The following NBEA variants were observed in gnomAD, a reference collection of about 807,000 sequenced individuals.
The protein encoded by NBEA is lysosomal-trafficking regulator 2.
A neutral mutation model predicts 343.4 loss-of-function variants in NBEA; 44 were observed. The observed-to-expected ratio is 0.13, with a 90% confidence interval of 0.10 to 0.16. The LOEUF (loss-of-function observed/expected upper bound fraction) is 0.16. Among genes scored for constraint, NBEA ranks in the 10% least tolerant of loss-of-function variants. The probability of loss-of-function intolerance (pLI) is 1.00; values close to 1 mark genes in which losing one functional copy is unlikely to be tolerated. For missense variants in NBEA, 2,555 were observed against 3,631.3 expected (o/e 0.70, Z 7.62); for synonymous variants, 1,175 against 1,238.7 (o/e 0.95, Z 1.08).
At chr13:35,667,938 T>C (rs1290790678) in intron 57 of NBEA, among the ~76,000 whole-genome samples, 1 of 152,200 alleles carries the variant, frequency 6.6e-6, no homozygotes, top group Non-Finnish European at 1.5e-5. Flanking sequence ...CATATACCCA[T>C]TTGCCCTTCA....
intron 41 of NBEA, among the ~76,000 whole-genome samples, chr13:35,497,210 T>C (rs1213137735): frequency 6.6e-6 from 1 of 152,084 alleles, no homozygotes; most frequent in Non-Finnish European, 1.5e-5. Flanking sequence ...AGGAACCTTC[T>C]GTAGGAGAAA....
At chr13:35,490,723 A>C (rs562469225) in intron 41 of NBEA, among the ~76,000 whole-genome samples, 62 of 142,820 alleles carry the variant, frequency 4.3e-4, no homozygotes, top group Middle Eastern at 3.5e-3. Context: ...TTATTCTGCT[A>C]GGTGCTTTAT....
chr13:35,425,775 G>A (rs2044624350), intron 38 of NBEA, among the ~76,000 whole-genome samples: 1 of 152,100 alleles, frequency 6.6e-6, no homozygotes, highest in African/African-American at 2.4e-5. Flanking sequence ...TTATTGTGTG[G>A]GAGTCTGAGT....
chr13:35,155,049 G>C (rs1441780597), intron 18 of NBEA, among the ~76,000 whole-genome samples: 1 of 146,628 alleles, frequency 6.8e-6, no homozygotes, highest in African/African-American at 2.5e-5. Context: ...AGGATCACTT[G>C]AGTCCAGGAG....
chr13:35,046,185 A>G (rs1339756674), intron 4 of NBEA, among the ~76,000 whole-genome samples: 1 of 152,154 alleles, frequency 6.6e-6, no homozygotes, highest in Non-Finnish European at 1.5e-5. Flanking sequence ...TCCATTCACT[A>G]GTTGATGGAC....
At chr13:35,483,601 T>A (rs1020230784) in intron 41 of NBEA, among the ~76,000 whole-genome samples, 1 of 152,086 alleles carries the variant, frequency 6.6e-6, no homozygotes, top group South Asian at 2.1e-4. Context: ...TTGATAATGA[T>A]GCTCTTTCAA....
At chr13:35,424,009 A>G (rs1202445696) in intron 38 of NBEA, among the ~76,000 whole-genome samples, 1 of 152,176 alleles carries the variant, frequency 6.6e-6, no homozygotes, top group Non-Finnish European at 1.5e-5. Context: ...TTGTATCCTG[A>G]GACTTTGCTG....
At chr13:34,983,336 C>T in intron 1 of NBEA, among the ~76,000 whole-genome samples, 1 of 152,134 alleles carries the variant, frequency 6.6e-6, no homozygotes, top group East Asian at 1.9e-4. Flanking sequence ...ATCCATGTCC[C>T]TGCAAAGGAC....
intron 38 of NBEA, among the ~76,000 whole-genome samples, chr13:35,360,371 C>A (rs970036601): frequency 1.3e-5 from 2 of 151,892 alleles, no homozygotes; most frequent in South Asian, 2.1e-4. Context: ...AAAAGGTTCA[C>A]CTGACTTCCA....
chr13:35,422,092 GTTT>G (rs566959976), intron 38 of NBEA, among the ~76,000 whole-genome samples: 1 of 93,142 alleles, frequency 1.1e-5, no homozygotes, highest in Non-Finnish European at 2.0e-5. Flanking sequence ...TTGTTTGTTT[GTTT>G]TTTTTTTTTT....
intron 38 of NBEA, among the ~76,000 whole-genome samples, chr13:35,386,372 C>T (rs1465619190): frequency 6.6e-6 from 1 of 152,052 alleles, no homozygotes; most frequent in East Asian, 1.9e-4. Context: ...GTTCTCTGTC[C>T]CCAAAATATT....
chr13:35,403,718 CCAAAAGCAATGGCAA>C (rs555205114), intron 38 of NBEA, among the ~76,000 whole-genome samples: 3,504 of 151,712 alleles, frequency 0.023, 50 homozygotes, highest in Non-Finnish European at 0.037. Flanking sequence ...GTCTAAAACA[CCAAAAGCAATGGCAA>C]CAAAAGCCAA....
chr13:35,352,909 AATT>A (rs1028546964), intron 38 of NBEA, among the ~76,000 whole-genome samples: 6 of 152,034 alleles, frequency 3.9e-5, no homozygotes, highest in Non-Finnish European at 7.4e-5. Flanking sequence ...GTGGACATAC[AATT>A]ATTGTTGTTG....
At chr13:35,436,096 CAG>C (rs1004812972) in intron 39 of NBEA, among the ~76,000 whole-genome samples, 33 of 150,704 alleles carry the variant, frequency 2.2e-4, no homozygotes, top group African/African-American at 6.8e-4. Context: ...AAAAAGAAAA[CAG>C]ATTTCATATT....
intron 38 of NBEA, among the ~76,000 whole-genome samples, chr13:35,364,290 A>C (rs552310064): frequency 9.9e-5 from 15 of 152,006 alleles, no homozygotes; most frequent in African/African-American, 3.1e-4. Context: ...ACACATGTAG[A>C]GTATATGCTT....
chr13:35,164,968 G>A (rs922879872), intron 24 of NBEA: 15 of 412,380 alleles, frequency 3.6e-5, no homozygotes, highest in Admixed American at 2.8e-4. Flanking sequence ...AAATAAAATA[G>A]GTCAATGTTA....
chr13:35,001,976 G>A (rs779018846), intron 1 of NBEA, among the ~76,000 whole-genome samples: 60 of 152,066 alleles, frequency 3.9e-4, no homozygotes, highest in Non-Finnish European at 7.4e-4. Flanking sequence ...GTATATCCCC[G>A]TATCACTGAA....
chr13:35,341,770 G>A (rs2039599577), intron 36 of NBEA, among the ~76,000 whole-genome samples: 1 of 152,082 alleles, frequency 6.6e-6, no homozygotes, highest in Non-Finnish European at 1.5e-5. Context: ...CTCACACTTT[G>A]TTGGTGAGAA....
intron 38 of NBEA, among the ~76,000 whole-genome samples, chr13:35,380,167 G>A (rs972735534): frequency 9.9e-5 from 15 of 151,964 alleles, no homozygotes; most frequent in South Asian, 2.1e-4. Context: ...AGTTTTGGCC[G>A]GGCACGGTGG....
Sources: allele counts gnomAD v4.1 joint callset (sites outside exome capture counted in the v4.1 genomes callset), GRCh38; gene constraint gnomAD v4.1.1; transcripts MANE v1.5; gene names NCBI Gene and HGNC (gene_info 2026-07-23, HGNC 2026-07-21).